The following WDR59 variants were observed in gnomAD, a reference collection of about 807,000 sequenced individuals.
The protein encoded by WDR59 is WD repeat domain 59.
Under a neutral mutation model 131.2 loss-of-function variants are expected in WDR59, and 100 were observed. The ratio of observed to expected loss-of-function variants is 0.76; its 90% CI spans 0.65 to 0.90. WDR59 has a LOEUF of 0.90. WDR59 is among the 40% of genes least tolerant of loss of function. The pLI is 0.00. For synonymous variants in WDR59, 601 were observed against 466.2 expected (o/e 1.29, Z -3.72); for missense variants, 1,203 against 1,262.2 (o/e 0.95, Z 0.71).
At chr16:74,909,752 G>C (rs1027296574) in intron 15 of WDR59, 70 bp downstream of exon 15, 24 of 1,574,352 alleles carry the variant, frequency 1.5e-5, no homozygotes, top group Non-Finnish European at 2.0e-5. Context: ...GAAAACCCAT[G>C]ATTTTAGGGA....
intron 1 of WDR59, 122 bp from the exon 2 acceptor site, chr16:74,965,944 G>A: frequency 6.8e-6 from 6 of 879,310 alleles, no homozygotes; most frequent in Non-Finnish European, 1.1e-5. Flanking sequence ...GGTATCATTA[G>A]TTCTCTACAG....
intron 2 of WDR59, among the ~76,000 whole-genome samples, chr16:74,956,957 C>T (rs2033320932): frequency 6.6e-6 from 1 of 152,186 alleles, no homozygotes; most frequent in Admixed American, 6.5e-5. Context: ...CACATTACTC[C>T]CATTGCATAG....
At chr16:74,883,588 T>C (rs1964621513) in intron 25 of WDR59, among the ~76,000 whole-genome samples, 1 of 152,200 alleles carries the variant, frequency 6.6e-6, no homozygotes, top group African/African-American at 2.4e-5. Flanking sequence ...GTATGTTTAG[T>C]CCACTACATT....
intron 25 of WDR59, among the ~76,000 whole-genome samples, chr16:74,881,001 C>T (rs531550175): frequency 5.9e-5 from 9 of 152,332 alleles, no homozygotes; most frequent in African/African-American, 2.2e-4. Context: ...CAGATCTCTA[C>T]CTCTATGGAG....
At chr16:74,902,686 G>A (rs1453350988) in intron 18 of WDR59, among the ~76,000 whole-genome samples, 1 of 152,122 alleles carries the variant, frequency 6.6e-6, no homozygotes, top group African/African-American at 2.4e-5. Context: ...AACCCCACAT[G>A]TACCCAACCA....
At chr16:74,970,786 G>A (rs796871197) in intron 1 of WDR59, among the ~76,000 whole-genome samples, 8 of 152,080 alleles carry the variant, frequency 5.3e-5, no homozygotes, top group African/African-American at 1.9e-4. Flanking sequence ...GCATGGTGGT[G>A]CACACCTATA....
intron 1 of WDR59, among the ~76,000 whole-genome samples, chr16:74,975,385 G>A (rs1211989161): frequency 1.3e-5 from 2 of 151,596 alleles, no homozygotes; most frequent in African/African-American, 4.8e-5. Flanking sequence ...AAACAAGGCT[G>A]GGCACAGTGG....
At chr16:74,906,053 G>A (rs192096191) in intron 17 of WDR59, among the ~76,000 whole-genome samples, 4 of 152,012 alleles carry the variant, frequency 2.6e-5, no homozygotes, top group South Asian at 4.2e-4. Flanking sequence ...GGTGGCTCAC[G>A]CCTGTAATCC....
chr16:74,879,671 C>G (rs1322229640), intron 25 of WDR59, among the ~76,000 whole-genome samples: 1 of 151,944 alleles, frequency 6.6e-6, no homozygotes, highest in African/African-American at 2.4e-5. Context: ...ATGAAACACT[C>G]TGGAAATAGT....
chr16:74,892,684 T>C, intron 19 of WDR59, 119 bp from the exon 20 acceptor site: 1 of 862,468 alleles, frequency 1.2e-6, no homozygotes. Flanking sequence ...AAATGTTTTA[T>C]TCCGCGTTGG....
chr16:74,913,582 C>A (rs570999223), intron 13 of WDR59, among the ~76,000 whole-genome samples: 1 of 152,174 alleles, frequency 6.6e-6, no homozygotes, highest in South Asian at 2.1e-4. Context: ...TGAGCCACCA[C>A]GAAGTTCAAA....
intron 5 of WDR59, among the ~76,000 whole-genome samples, chr16:74,949,349 AAAAAAG>A (rs1447037769): frequency 6.7e-6 from 1 of 149,056 alleles, no homozygotes; most frequent in African/African-American, 2.5e-5. Context: ...AAAAAAAAAA[AAAAAAG>A]AAAGGAAAGA....
At chr16:74,934,477 T>C (rs1444458288) in intron 8 of WDR59, among the ~76,000 whole-genome samples, 1 of 152,212 alleles carries the variant, frequency 6.6e-6, no homozygotes, top group Admixed American at 6.5e-5. Context: ...TGCAGTCTTA[T>C]AAAACGATTA....
At chr16:74,933,469 CAT>C (rs34587659) in intron 8 of WDR59, among the ~76,000 whole-genome samples, 45,933 of 152,006 alleles carry the variant, frequency 0.3, 7,569 homozygotes, top group African/African-American at 0.43. Flanking sequence ...GCTCATGAAT[CAT>C]ATGCCTAAAT....
At chr16:74,930,653 G>A (rs891928691) in intron 8 of WDR59, 7 of 151,966 alleles carry the variant, frequency 4.6e-5, no homozygotes, top group Non-Finnish European at 1.0e-4. Context: ...ACTACTTTGG[G>A]AGGTCAAGGT....
chr16:74,973,235 C>G (rs1324833477), intron 1 of WDR59, among the ~76,000 whole-genome samples: 1 of 152,112 alleles, frequency 6.6e-6, no homozygotes, highest in East Asian at 1.9e-4. Flanking sequence ...GAGCAAAACT[C>G]TGTCTCAAAA....
chr16:74,894,506 T>C (rs1452978097), intron 18 of WDR59, among the ~76,000 whole-genome samples: 1 of 152,108 alleles, frequency 6.6e-6, no homozygotes, highest in Non-Finnish European at 1.5e-5. Flanking sequence ...ATGAGAGATG[T>C]CCTGAAAAAC....
Position 74,965,757 on chromosome 16 carries a change from C to T in WDR59, c.104+16G>A, listed in dbSNP as rs754799692. ...TTCCAGAAATCATGGCAGACAAACT[C>T]GGCAAGCTTACTTACCCAGAAAGCA... On this transcript the variant is annotated intron_variant, in intron 2 of 25. Coordinates refer to ENST00000262144, the MANE Select transcript of WDR59 (RefSeq NM_030581.4). 3.7e-6 allele frequency: 6 copies of T among 1,613,898 alleles called. No homozygotes were observed. The highest frequency in any genetic ancestry group is 2.7e-5 in the African/African-American group (2 of 74,922).
chr16:74,968,369 G>C (rs2033855802), intron 1 of WDR59, among the ~76,000 whole-genome samples: 1 of 152,188 alleles, frequency 6.6e-6, no homozygotes, highest in South Asian at 2.1e-4. Flanking sequence ...TAGGAGCTGA[G>C]AGTGCCTCGA....
Sources: allele counts gnomAD v4.1 joint callset (sites outside exome capture counted in the v4.1 genomes callset), GRCh38; gene constraint gnomAD v4.1.1; transcripts MANE v1.5; gene names NCBI Gene and HGNC (gene_info 2026-07-23, HGNC 2026-07-21).